The following CNTLN variants were observed in gnomAD, a reference collection of about 807,000 sequenced individuals.
CNTLN encodes centlein.
A neutral mutation model predicts 180.0 loss-of-function variants in CNTLN; 212 were observed. That is an observed-to-expected ratio of 1.18 (90% CI 1.05 to 1.32). CNTLN has a LOEUF of 1.32. CNTLN is among the 40% of genes most tolerant of loss of function. CNTLN has a pLI of 0.00. For synonymous variants in CNTLN, 722 were observed against 563.1 expected (o/e 1.28, Z -3.99); for missense variants, 2,095 against 1,610.9 (o/e 1.30, Z -5.14).
chr9:17,518,767 C>G, the CNTLN span, among the ~76,000 whole-genome samples: 2 of 152,132 alleles, frequency 1.3e-5, no homozygotes, highest in South Asian at 4.1e-4. Flanking sequence ...AATTCCCTAC[C>G]TTCTCCTTCC....
intron 18 of CNTLN, among the ~76,000 whole-genome samples, chr9:17,433,270 T>A (rs1829538632): frequency 6.6e-6 from 1 of 151,844 alleles, no homozygotes; most frequent in African/African-American, 2.4e-5. Flanking sequence ...TTAAGAAAGT[T>A]TTCTTCTATT....
chr9:17,142,445 G>T (rs551194816), intron 1 of CNTLN, among the ~76,000 whole-genome samples: 1 of 152,208 alleles, frequency 6.6e-6, no homozygotes, highest in East Asian at 1.9e-4. Context: ...AGAGGGTAAG[G>T]AACCAATAAT....
chr9:17,474,549 A>G (rs1386718577), intron 23 of CNTLN, among the ~76,000 whole-genome samples: 2 of 152,106 alleles, frequency 1.3e-5, no homozygotes, highest in African/African-American at 4.8e-5. Flanking sequence ...TCTTTTCTCC[A>G]TCTGTTGGCA....
intron 10 of CNTLN, among the ~76,000 whole-genome samples, chr9:17,335,400 C>A (rs1052639547): frequency 2.0e-5 from 3 of 152,024 alleles, no homozygotes; most frequent in African/African-American, 7.2e-5. Flanking sequence ...GCCTCTAATC[C>A]CAGCTACTCA....
intron 2 of CNTLN, among the ~76,000 whole-genome samples, chr9:17,194,648 G>T (rs1416519671): frequency 2.0e-5 from 3 of 152,046 alleles, no homozygotes; most frequent in African/African-American, 7.2e-5. Flanking sequence ...AAATTTTCCT[G>T]TCTTCTTCTG....
At chr9:17,255,247 C>T (rs1826401106) in intron 5 of CNTLN, among the ~76,000 whole-genome samples, 1 of 151,680 alleles carries the variant, frequency 6.6e-6, no homozygotes, top group East Asian at 1.9e-4. Flanking sequence ...TGAGAGTGGG[C>T]AACCTCATCT....
At chr9:17,482,334 A>G (rs1365728617) in intron 23 of CNTLN, among the ~76,000 whole-genome samples, 1 of 152,116 alleles carries the variant, frequency 6.6e-6, no homozygotes, top group African/African-American at 2.4e-5. Context: ...AAAGTAATCA[A>G]CTGAAAAACT....
At chr9:17,239,216 A>G (rs1825339704) in intron 5 of CNTLN, among the ~76,000 whole-genome samples, 1 of 152,056 alleles carries the variant, frequency 6.6e-6, no homozygotes, top group Non-Finnish European at 1.5e-5. Context: ...TATTTTTAGT[A>G]GAGATGGGGT....
chr9:17,203,732 AT>A (rs1214475907), intron 2 of CNTLN, among the ~76,000 whole-genome samples: 1 of 151,706 alleles, frequency 6.6e-6, no homozygotes, highest in Non-Finnish European at 1.5e-5. Context: ...AATTTTTTGT[AT>A]TTTTTAGTAG....
intron 2 of CNTLN, among the ~76,000 whole-genome samples, chr9:17,223,247 T>C (rs1824258762): frequency 6.6e-6 from 1 of 152,202 alleles, no homozygotes. Context: ...TTAATATTTT[T>C]GGATCACAGT....
intron 10 of CNTLN, among the ~76,000 whole-genome samples, chr9:17,333,117 G>A (rs969130307): frequency 5.4e-4 from 82 of 152,004 alleles, no homozygotes; most frequent in African/African-American, 2.0e-3. Context: ...ACCTAGCTCA[G>A]ATCACTTACA....
At chr9:17,313,477 A>G (rs1317200994) in intron 8 of CNTLN, among the ~76,000 whole-genome samples, 1 of 152,006 alleles carries the variant, frequency 6.6e-6, no homozygotes, top group African/African-American at 2.4e-5. Flanking sequence ...TTCTGATGGT[A>G]ATTCAGTGGA....
At chr9:17,226,379 A>G (rs1824466624) in intron 3 of CNTLN, 92 bp downstream of exon 3, 4 of 630,970 alleles carry the variant, frequency 6.3e-6, no homozygotes, top group Non-Finnish European at 7.7e-6. Flanking sequence ...AATAGTGTTT[A>G]TTGAGAATAT....
At chr9:17,392,571 G>A (rs1336507355) in intron 14 of CNTLN, among the ~76,000 whole-genome samples, 1 of 152,106 alleles carries the variant, frequency 6.6e-6, no homozygotes, top group Non-Finnish European at 1.5e-5. Context: ...GAAATATGCA[G>A]AAGTCTACAA....
intron 25 of CNTLN, chr9:17,495,111 C>T (rs1387193103): frequency 5.8e-6 from 2 of 346,562 alleles, no homozygotes; most frequent in African/African-American, 4.3e-5. Context: ...AACTCCTGAG[C>T]TCAGGTGATC....
At chr9:17,526,535 T>C in the CNTLN span, among the ~76,000 whole-genome samples, 1 of 152,184 alleles carries the variant, frequency 6.6e-6, no homozygotes, top group Non-Finnish European at 1.5e-5. Flanking sequence ...CAAAGATTGA[T>C]AAGACTGATA....
intron 8 of CNTLN, among the ~76,000 whole-genome samples, chr9:17,325,815 A>C (rs182805432): frequency 5.3e-5 from 8 of 152,178 alleles, no homozygotes; most frequent in Non-Finnish European, 1.2e-4. Context: ...TATTATCATC[A>C]TTGCAATGTA....
At chr9:17,436,741 T>G (rs375292425) in intron 18 of CNTLN, among the ~76,000 whole-genome samples, 1 of 152,276 alleles carries the variant, frequency 6.6e-6, no homozygotes, top group Non-Finnish European at 1.5e-5. Context: ...GGTATTAAAC[T>G]GTACCAGAGC....
At chr9:17,287,445 C>G (rs2132647026) in intron 6 of CNTLN, among the ~76,000 whole-genome samples, 1 of 151,116 alleles carries the variant, frequency 6.6e-6, no homozygotes, top group East Asian at 2.0e-4. Context: ...CAATGTTCAT[C>G]AAGGATATTG....
Sources: gnomAD v4.1 joint callset for allele counts (sites outside exome capture counted in the v4.1 genomes callset) on GRCh38, gnomAD v4.1.1 for gene constraint, MANE v1.5 for transcripts, NCBI Gene and HGNC (gene_info 2026-07-23, HGNC 2026-07-21) for gene names.